The following ADGRE5 variants were observed in gnomAD, a reference collection of about 807,000 sequenced individuals.
ADGRE5 encodes adhesion G protein-coupled receptor E5.
In ADGRE5, 72 loss-of-function variants were observed where a neutral mutation model predicts 100.3. The ratio of observed to expected loss-of-function variants is 0.72; its 90% CI spans 0.59 to 0.87. ADGRE5 has a LOEUF of 0.87. Ranked by LOEUF, ADGRE5 falls within the 40% of genes least tolerant of loss-of-function variation. ADGRE5 has a pLI of 0.00. For synonymous variants in ADGRE5, 439 were observed against 447.8 expected, an observed-to-expected ratio of 0.98 and a Z score of 0.25; for missense variants, 959 against 1,094.7, an observed-to-expected ratio of 0.88 and a Z score of 1.75.
Position 14,408,272 on chromosome 19 carries a change from C to A in ADGRE5, c.*151C>A. 1 of 887,968 alleles carries A rather than the reference C, an allele frequency of 1.1e-6. No homozygotes were observed. The highest frequency in any genetic ancestry group is 1.5e-5 in the South Asian group (1 of 67,278). 55.0% of individuals were successfully genotyped at this position (887,968 alleles called of 1,614,324 possible). On this transcript the variant is annotated 3_prime_UTR_variant, in exon 20 of 20. Transcript: ENST00000242786. ...ACCAGGAGGGAGTGGCAGCTATAGT[C>A]TGGCACCAAAGTCCAGGACACCCAG...
intron 1 of ADGRE5, among the ~76,000 whole-genome samples, chr19:14,381,985 G>A (rs1271986055): frequency 6.6e-6 from 1 of 152,172 alleles, no homozygotes; most frequent in East Asian, 1.9e-4. Context: ...TTTGTCCCTC[G>A]CAGTCTCAGC....
In ADGRE5 at chr19:14,406,041, G is replaced by C. The variant is rs1976216969; in HGVS notation, c.1821+102G>C. On this transcript the variant is annotated intron_variant, in intron 14 of 19. Transcript: ENST00000242786. The surrounding 1 kb of genome is among the most constrained non-coding windows in gnomAD (Gnocchi z 6.0). ...GGCTCAGTCGGGTAGGCGGGCCCTG[G>C]AGGCATGAGGCCCCGCCCCTGTCCG... 1 of 1,019,026 alleles carries C rather than the reference G, an allele frequency of 9.8e-7. No homozygotes were observed. The highest frequency in any genetic ancestry group is 1.4e-6 in the Non-Finnish European group (1 of 715,036). The allele number at this position is 1,019,026 out of a possible 1,614,324, so 63.1% of individuals were successfully genotyped here.
chr19:14,398,547 T>C (rs986644976), intron 9 of ADGRE5, among the ~76,000 whole-genome samples: 14 of 151,168 alleles, frequency 9.3e-5, no homozygotes, highest in East Asian at 5.8e-4. Flanking sequence ...TGGTGGCGGG[T>C]GCCTGTAGTC....
intron 9 of ADGRE5, among the ~76,000 whole-genome samples, chr19:14,399,290 C>T (rs889638879): frequency 1.3e-5 from 2 of 151,676 alleles, no homozygotes; most frequent in East Asian, 3.9e-4. Flanking sequence ...TGGCCAAGCA[C>T]GGTGGCTCAC....
At chr19:14,391,972 C>A (rs1161911140) in intron 4 of ADGRE5, among the ~76,000 whole-genome samples, 1 of 151,366 alleles carries the variant, frequency 6.6e-6, no homozygotes, top group Non-Finnish European at 1.5e-5. Context: ...TGGCACGCGC[C>A]TGTAATCCCA....
chr19:14,384,915 CCT>C (rs543392114), intron 1 of ADGRE5, among the ~76,000 whole-genome samples: 1 of 150,456 alleles, frequency 6.6e-6, no homozygotes, highest in Non-Finnish European at 1.5e-5. Flanking sequence ...TCTCCTTTCT[CCT>C]CTCTGTCTCC....
At chr19:14,400,110 C>T (rs976714993) in intron 9 of ADGRE5, among the ~76,000 whole-genome samples, 9 of 152,102 alleles carry the variant, frequency 5.9e-5, no homozygotes, top group East Asian at 1.9e-4. Context: ...AGCTCCGCCT[C>T]CCGGGTTCAT....
intron 1 of ADGRE5, among the ~76,000 whole-genome samples, chr19:14,382,841 C>T (rs1026357422): frequency 9.9e-5 from 15 of 152,022 alleles, no homozygotes; most frequent in Admixed American, 2.0e-4. Flanking sequence ...CCATCCACCC[C>T]GAGTAGCTGG....
chr19:14,402,562 A>G (rs150102867), intron 11 of ADGRE5, 35 bp from the exon 12 acceptor site: 21,916 of 1,610,968 alleles, frequency 0.014, 206 homozygotes, highest in Non-Finnish European at 0.016. Flanking sequence ...GGAGGAGGAC[A>G]ACGGGAGTAG....
In ADGRE5 at chr19:14,407,286, T is replaced by C. The variant is rs570229860; in HGVS notation, c.2376+57T>C. Reference sequence around the variant, plus strand: ...TCATCCTCCCACCTATTTGGGAGGCTGAGGTGGGAGGATTGCTTGAGCCCA... The same window carrying C: ...TCATCCTCCCACCTATTTGGGAGGCCGAGGTGGGAGGATTGCTTGAGCCCA... On this transcript the variant is annotated intron_variant, in intron 18 of 19. Transcript: ENST00000242786. 3.8e-6 allele frequency: 6 copies of C among 1,585,200 alleles called. No homozygotes were observed. In the African/African-American group the frequency reaches 6.7e-5, roughly 18 times the overall value.
intron 9 of ADGRE5, among the ~76,000 whole-genome samples, chr19:14,399,543 G>A (rs1400537234): frequency 5.2e-5 from 6 of 116,212 alleles, no homozygotes; most frequent in East Asian, 2.9e-4. Flanking sequence ...CAGCCTGGGC[G>A]ACAGAGCGAG....
intron 13 of ADGRE5, chr19:14,404,896 G>C: frequency 3.4e-6 from 1 of 293,098 alleles, no homozygotes; most frequent in Non-Finnish European, 6.3e-6. Context: ...CGGAGTCTCT[G>C]TCGCCCAGGT....
At chr19:14,387,153 C>T (rs897119311) in intron 1 of ADGRE5, among the ~76,000 whole-genome samples, 1 of 152,106 alleles carries the variant, frequency 6.6e-6, no homozygotes, top group African/African-American at 2.4e-5. Flanking sequence ...CATCCCTATT[C>T]TACAGAGGGA....
At chr19:14,384,371 G>A (rs575153104) in intron 1 of ADGRE5, among the ~76,000 whole-genome samples, 1 of 152,244 alleles carries the variant, frequency 6.6e-6, no homozygotes, top group South Asian at 2.1e-4. Flanking sequence ...GCTCATAACA[G>A]ACCCCAAAAT....
intron 1 of ADGRE5, among the ~76,000 whole-genome samples, chr19:14,388,020 G>A (rs1416451408): frequency 3.3e-5 from 5 of 152,010 alleles, no homozygotes; most frequent in African/African-American, 4.8e-5. Context: ...AGATTGCAGT[G>A]AGCCAAGATC....
At position 14,408,106 on chromosome 19, in the gene ADGRE5, A is replaced by C; in HGVS notation, c.2493A>C (p.Ser831=). The C allele has an allele frequency of 6.2e-7, 1 of 1,613,590 alleles. No homozygotes were observed. Among genetic ancestry groups the C allele is most frequent in the Non-Finnish European group, 8.5e-7 (1 of 1,179,990 alleles). Residue 831 remains serine, a synonymous_variant, in exon 20 of 20, where the codon TCA becomes TCC. Transcript: ENST00000242786. ...CTCCTCTCCAGGCCCTCAGGGCATC[A>C]GAGTCCGGCATATGAAGGCGCATGG... ...GHNQTRALRA[S]ESGI
intron 1 of ADGRE5, 52 bp downstream of exon 1, chr19:14,381,597 C>T (rs1231461208): frequency 6.4e-7 from 1 of 1,568,726 alleles, no homozygotes; most frequent in East Asian, 2.3e-5. Flanking sequence ...CAGCGGGACC[C>T]CTTGGCTGCG....
chr19:14,405,949 C>CA lies in ADGRE5; in HGVS notation c.1821+10_1821+11insA, dbSNP rs1976211893. The CA allele has an allele frequency of 6.2e-6, 10 of 1,600,948 alleles. No homozygotes were observed. Among genetic ancestry groups the CA allele is most frequent in the Non-Finnish European group, 7.6e-6 (9 of 1,178,170 alleles). Reference sequence around the variant, plus strand: ...GAACGAAGGCGGCCAGGTGAGGTCCCGCCCCGCTCCCTCCTGAGCTCTGGG... The same window carrying CA: ...GAACGAAGGCGGCCAGGTGAGGTCCCAGCCCCGCTCCCTCCTGAGCTCTGGG... On this transcript the variant is annotated intron_variant, in intron 14 of 19. Coordinates refer to ENST00000242786, the MANE Select transcript of ADGRE5 (RefSeq NM_078481.4).
At chr19:14,407,395 A>ATCCC (rs1976307081) in intron 18 of ADGRE5, among the ~76,000 whole-genome samples, 166 bp downstream of exon 18, 1 of 152,128 alleles carries the variant, frequency 6.6e-6, no homozygotes, top group South Asian at 2.1e-4. Context: ...GGCGCCTGTA[A>ATCCC]TCCCAACAGT....
Sources: allele counts gnomAD v4.1 joint callset (sites outside exome capture counted in the v4.1 genomes callset), GRCh38; gene constraint gnomAD v4.1.1; non-coding constraint Gnocchi (gnomAD v3.1); transcripts MANE v1.5; gene names NCBI Gene and HGNC (gene_info 2026-07-23, HGNC 2026-07-21).